UGDH: variants seen among roughly 807,000 people sequenced by gnomAD.
The protein encoded by UGDH is UDP-glucose 6-dehydrogenase.
UGDH carries 38 observed loss-of-function variants against 50.6 expected under a neutral mutation model. The ratio of observed to expected loss-of-function variants is 0.75; its 90% CI spans 0.58 to 0.98. The LOEUF is 0.98. UGDH is among the 50% of genes least tolerant of loss of function. UGDH has a pLI of 0.00. For missense variants in UGDH, 465 were observed against 606.2 expected, an observed-to-expected ratio of 0.77 and a Z score of 2.45; for synonymous variants, 168 against 199.9, an observed-to-expected ratio of 0.84 and a Z score of 1.35.
intron 3 of UGDH, among the ~76,000 whole-genome samples, chr4:39,512,775 C>T (rs1349098171): frequency 1.3e-5 from 2 of 150,672 alleles, no homozygotes; most frequent in African/African-American, 4.9e-5. Context: ...AAAGCTGCAT[C>T]AATTTCTCTG....
chr4:39,512,125 T>C (rs1746271524), intron 3 of UGDH, among the ~76,000 whole-genome samples: 1 of 151,996 alleles, frequency 6.6e-6, no homozygotes, highest in Non-Finnish European at 1.5e-5. Flanking sequence ...AGTGACCTCA[T>C]TGGAAAATGA....
At chr4:39,509,375 C>T (rs1206127872) in intron 6 of UGDH, among the ~76,000 whole-genome samples, 1 of 152,084 alleles carries the variant, frequency 6.6e-6, no homozygotes, top group Non-Finnish European at 1.5e-5. Context: ...TATTAAACTG[C>T]CACTGTAGCT....
chr4:39,500,379 G>A (rs1434293263), intron 11 of UGDH, 126 bp from the exon 12 acceptor site: 4 of 564,572 alleles, frequency 7.1e-6, no homozygotes, highest in Non-Finnish European at 9.3e-6. Context: ...CAAGTTGTCT[G>A]AGTTGCTATG....
intron 1 of UGDH, among the ~76,000 whole-genome samples, chr4:39,525,907 G>GT (rs1254123656): frequency 6.6e-6 from 1 of 152,196 alleles, no homozygotes; most frequent in Non-Finnish European, 1.5e-5. Context: ...TTTGAAATGA[G>GT]TTTTTACCTC....
At chr4:39,521,542 G>A in intron 1 of UGDH, 23 bp from the exon 2 acceptor site, 2 of 1,487,404 alleles carry the variant, frequency 1.3e-6, no homozygotes, top group Non-Finnish European at 9.0e-7. Context: ...CAGTAAGACT[G>A]TTCTAGTATT....
intron 5 of UGDH, 133 bp downstream of exon 5, chr4:39,510,220 A>T (rs922589209): frequency 2.7e-5 from 25 of 914,470 alleles, no homozygotes; most frequent in Non-Finnish European, 2.9e-5. Flanking sequence ...TCATAATTTG[A>T]ATGTGCAAGA....
chr4:39,504,458 C>A lies in UGDH; in HGVS notation c.1222G>T (p.Ala408Ser), dbSNP rs776207068. 6.2e-7 allele frequency: 1 copy of A among 1,614,108 alleles called. No individual in the cohort carries two copies. The highest frequency in any genetic ancestry group is 8.5e-7 in the Non-Finnish European group (1 of 1,180,022). ...TCAGTGCAAATAACAACAGCATGGG[C>A]ACCATCACATGCTTCATATGGATCC... ...SKDPYEACDG[A>S]HAVVICTEWD... is the part of the protein sequence containing the mutation. The change falls in exon 10 of 12, where the codon GCC (alanine) becomes TCC (serine). Residue 408 changes from alanine (A) to serine (S), a missense_variant. By Grantham distance (99) the Ala-to-Ser change is moderately conservative (BLOSUM62 1). Coordinates refer to ENST00000316423, the MANE Select transcript of UGDH (RefSeq NM_003359.4).
Position 39,500,170 on chromosome 4 carries a change from A to AAAT in UGDH, c.1457_1458insATT (p.Asp486delinsGluPhe), listed in dbSNP as rs1462805514. The AAAT allele has an allele frequency of 6.2e-7, 1 of 1,600,310 alleles. No individual in the cohort carries two copies. Among genetic ancestry groups the AAAT allele is most frequent in the Non-Finnish European group, 8.5e-7 (1 of 1,172,290 alleles). ...ACACTTTAGGTTTCTTGTTAGGTGG[A>AAAT]TCTTGAAGACTAAACTTCGGAATTT... is the stretch of plus-strand genomic sequence containing the variant. On this transcript the variant is annotated protein_altering_variant, in exon 12 of 12. Transcript: ENST00000316423.
intron 1 of UGDH, among the ~76,000 whole-genome samples, chr4:39,523,400 T>C (rs1209262453): frequency 2.0e-5 from 3 of 152,092 alleles, no homozygotes; most frequent in African/African-American, 7.2e-5. Context: ...TTTGGTAAAA[T>C]AGTAAAAATG....
intron 9 of UGDH, 146 bp from the exon 10 acceptor site, chr4:39,504,654 T>C (rs896004027): frequency 1.5e-6 from 1 of 688,290 alleles, no homozygotes; most frequent in African/African-American, 1.8e-5. Flanking sequence ...TATATATACT[T>C]ACACACATAC....
intron 3 of UGDH, among the ~76,000 whole-genome samples, chr4:39,513,861 G>A (rs1425435399): frequency 6.6e-6 from 1 of 152,166 alleles, no homozygotes; most frequent in Non-Finnish European, 1.5e-5. Flanking sequence ...TCTCAAATTA[G>A]AACTTTGAGT....
intron 1 of UGDH, among the ~76,000 whole-genome samples, chr4:39,522,980 C>A (rs1746726615): frequency 6.6e-6 from 1 of 151,990 alleles, no homozygotes; most frequent in African/African-American, 2.4e-5. Flanking sequence ...TCAGGATGGT[C>A]TGGATTTCTT....
intron 1 of UGDH, among the ~76,000 whole-genome samples, chr4:39,524,278 G>C (rs1442350671): frequency 6.6e-6 from 1 of 152,132 alleles, no homozygotes; most frequent in Non-Finnish European, 1.5e-5. Context: ...TGGGCTTAAG[G>C]AGTTCATAGT....
chr4:39,514,134 A>G lies in UGDH; in HGVS notation c.213T>C (p.Phe71=), dbSNP rs199867239. Residue 71 remains phenylalanine (F), a synonymous_variant, in exon 3 of 12, where the codon TTT becomes TTC. Coordinates refer to ENST00000316423, the MANE Select transcript of UGDH (RefSeq NM_003359.4). ...VESCRGKNLF[F]STNIDDAIKE... ...TGATGGCATCATCAATATTGGTAGA[A>G]AAAAAAAGATTTTTTCCTCGACAGG... The G allele has an allele frequency of 8.5e-5, 134 of 1,583,250 alleles. No homozygotes were observed. In the East Asian group the frequency reaches 2.7e-3, roughly 32 times the overall value.
chr4:39,520,104 C>T (rs4389588), intron 2 of UGDH, among the ~76,000 whole-genome samples: 31,932 of 151,796 alleles, frequency 0.21, 5,118 homozygotes, highest in African/African-American at 0.43. Context: ...TTTGGGAGGC[C>T]GAGGAGGGGC....
At chr4:39,515,776 T>C (rs1280236825) in intron 2 of UGDH, among the ~76,000 whole-genome samples, 1 of 152,178 alleles carries the variant, frequency 6.6e-6, no homozygotes, top group Non-Finnish European at 1.5e-5. Flanking sequence ...CTCGTCTCAC[T>C]GCAACATCCA....
intron 1 of UGDH, chr4:39,527,025 C>T: frequency 7.8e-7 from 1 of 1,289,308 alleles, no homozygotes; most frequent in South Asian, 1.2e-5. Flanking sequence ...TGGGTAAAGG[C>T]AGAAAGAGAA....
At chr4:39,525,915 C>G (rs192603424) in intron 1 of UGDH, among the ~76,000 whole-genome samples, 3 of 152,102 alleles carry the variant, frequency 2.0e-5, no homozygotes, top group East Asian at 3.8e-4. Context: ...GAGTTTTTAC[C>G]TCTGTATTTT....
chr4:39,506,417 G>A (rs150443304), intron 7 of UGDH, among the ~76,000 whole-genome samples: 298 of 152,160 alleles, frequency 2.0e-3, no homozygotes, highest in African/African-American at 6.8e-3. Flanking sequence ...TCCTTAGTCC[G>A]TGTCTCCAAA....
Sources: gnomAD v4.1 joint callset for allele counts (sites outside exome capture counted in the v4.1 genomes callset) on GRCh38, gnomAD v4.1.1 for gene constraint, MANE v1.5 for transcripts, NCBI Gene and HGNC (gene_info 2026-07-23, HGNC 2026-07-21) for gene names.